CNBD1: variants seen among roughly 807,000 people sequenced by gnomAD.
The protein encoded by CNBD1 is cyclic nucleotide-binding domain-containing protein 1.
In CNBD1, 71 loss-of-function variants were observed where a neutral mutation model predicts 54.4. The ratio of observed to expected loss-of-function variants is 1.30; its 90% CI spans 1.08 to 1.59. The LOEUF (loss-of-function observed/expected upper bound fraction) is 1.59, where lower values mean the gene tolerates loss of function less well. Ranked by LOEUF, CNBD1 falls within the 40% of genes most tolerant of loss-of-function variation. The probability of loss-of-function intolerance (pLI) is 0.00; values close to 1 mark genes in which losing one functional copy is unlikely to be tolerated. For synonymous variants in CNBD1, 182 were observed against 170.7 expected (o/e 1.07, Z -0.51); for missense variants, 659 against 518.0 (o/e 1.27, Z -2.64).
intron 8 of CNBD1, among the ~76,000 whole-genome samples, chr8:87,298,688 G>A (rs1371930745): frequency 1.3e-5 from 2 of 151,770 alleles, no homozygotes; most frequent in Non-Finnish European, 2.9e-5. Context: ...GTTTCACCGT[G>A]TTGGCCAGGC....
chr8:86,953,854 G>A (rs1807690101), intron 4 of CNBD1, among the ~76,000 whole-genome samples: 3 of 151,944 alleles, frequency 2.0e-5, no homozygotes, highest in Admixed American at 2.0e-4. Flanking sequence ...GTGACAGAGC[G>A]AGACTCTGTC....
At chr8:87,027,999 G>C (rs1053283138) in intron 4 of CNBD1, among the ~76,000 whole-genome samples, 1 of 152,000 alleles carries the variant, frequency 6.6e-6, no homozygotes, top group Non-Finnish European at 1.5e-5. Flanking sequence ...CCATCCCAGT[G>C]TCTGGTACCC....
intron 3 of CNBD1, among the ~76,000 whole-genome samples, chr8:86,926,763 G>A (rs1809368021): frequency 6.6e-6 from 1 of 152,212 alleles, no homozygotes; most frequent in African/African-American, 2.4e-5. Flanking sequence ...ACCTGGGATT[G>A]CAGAGTAAGG....
At chr8:86,944,702 C>T (rs571133811) in intron 4 of CNBD1, among the ~76,000 whole-genome samples, 1 of 152,232 alleles carries the variant, frequency 6.6e-6, no homozygotes, top group Non-Finnish European at 1.5e-5. Context: ...CAGAGGTAGC[C>T]AGGGACCAGA....
chr8:87,364,792 T>C (rs1409835570), intron 10 of CNBD1, among the ~76,000 whole-genome samples: 2 of 152,102 alleles, frequency 1.3e-5, no homozygotes, highest in African/African-American at 4.8e-5. Context: ...GTCCCCCAGT[T>C]CCATCCACAT....
chr8:87,427,199 A>G (rs1022730498), intron 2 of CNBD1, among the ~76,000 whole-genome samples: 2 of 152,032 alleles, frequency 1.3e-5, no homozygotes, highest in Non-Finnish European at 2.9e-5. Context: ...AGAGTCTGCT[A>G]CATTATCTTG....
intron 4 of CNBD1, among the ~76,000 whole-genome samples, chr8:87,047,758 G>C (rs1438890739): frequency 6.6e-6 from 1 of 152,128 alleles, no homozygotes; most frequent in East Asian, 1.9e-4. Flanking sequence ...TTTCCTCTGG[G>C]GGGGTCTATG....
At chr8:87,141,618 CTA>C (rs1229542316) in intron 4 of CNBD1, among the ~76,000 whole-genome samples, 2 of 151,744 alleles carry the variant, frequency 1.3e-5, no homozygotes, top group African/African-American at 2.4e-5. Context: ...TTTTTGGTCT[CTA>C]TGTGTAATAT....
intron 2 of CNBD1, among the ~76,000 whole-genome samples, chr8:87,423,340 C>T (rs1263525563): frequency 2.7e-5 from 4 of 148,122 alleles, no homozygotes; most frequent in Admixed American, 6.7e-5. Flanking sequence ...GAGAGGGCAT[C>T]CCTGTCTTGT....
At chr8:87,244,430 C>A (rs946204362) in intron 6 of CNBD1, among the ~76,000 whole-genome samples, 1 of 152,086 alleles carries the variant, frequency 6.6e-6, no homozygotes, top group East Asian at 1.9e-4. Flanking sequence ...GACCCATATG[C>A]AATTTTGTTA....
intron 4 of CNBD1, among the ~76,000 whole-genome samples, chr8:87,057,923 T>C (rs1157139345): frequency 6.6e-6 from 1 of 152,076 alleles, no homozygotes; most frequent in African/African-American, 2.4e-5. Context: ...TCTTAACTCA[T>C]TCAAGCATTA....
chr8:86,925,978 C>T (rs1809353581), intron 3 of CNBD1, among the ~76,000 whole-genome samples: 2 of 152,144 alleles, frequency 1.3e-5, no homozygotes, highest in Admixed American at 6.5e-5. Flanking sequence ...TTGTTTGCTG[C>T]TGCTGGCTGG....
Position 87,287,228 on chromosome 8 carries a change from A to T in CNBD1, c.1042+557A>T, listed in dbSNP as rs376781057. 3.3e-5 allele frequency among the ~76,000 whole-genome samples: 5 copies of T among 152,292 alleles called. No homozygotes were observed. In the South Asian group the frequency reaches 6.2e-4, roughly 19 times the overall value. On this transcript the variant is annotated intron_variant, in intron 8 of 10. Coordinates refer to ENST00000518476, the MANE Select transcript of CNBD1 (RefSeq NM_173538.3). ...CGGATTTCCTGGATTATGTGTACAC[A>T]AAAAGTGTAGGTGGTATTGAGTCAT...
chr8:87,321,643 C>T (rs1454429198), intron 8 of CNBD1, among the ~76,000 whole-genome samples: 1 of 151,938 alleles, frequency 6.6e-6, no homozygotes, highest in Non-Finnish European at 1.5e-5. Context: ...CCATAGGCTG[C>T]CTTTTTCTCT....
At chr8:87,040,423 C>CTTTTTT (rs71277911) in intron 4 of CNBD1, among the ~76,000 whole-genome samples, 10 of 129,374 alleles carry the variant, frequency 7.7e-5, no homozygotes, top group Non-Finnish European at 1.1e-4. Context: ...AATTCTTTTT[C>CTTTTTT]TTTTTTTTTT....
chr8:87,310,027 A>G (rs975195988), intron 8 of CNBD1, among the ~76,000 whole-genome samples: 1 of 152,114 alleles, frequency 6.6e-6, no homozygotes, highest in South Asian at 2.1e-4. Flanking sequence ...GCATTTCTAT[A>G]TACCAATAAT....
At chr8:87,035,567 T>C (rs1426751565) in intron 4 of CNBD1, among the ~76,000 whole-genome samples, 2 of 152,220 alleles carry the variant, frequency 1.3e-5, no homozygotes, top group Non-Finnish European at 2.9e-5. Context: ...TTTGACCTTA[T>C]TCACAAGGGC....
At chr8:87,178,902 C>CTTGT (rs113358222) in intron 4 of CNBD1, among the ~76,000 whole-genome samples, 4,252 of 152,010 alleles carry the variant, frequency 0.028, 176 homozygotes, top group African/African-American at 0.082. Context: ...ATAGCTTTTG[C>CTTGT]TTGTTTGTTT....
At chr8:86,928,927 T>C (rs12678292) in intron 3 of CNBD1, among the ~76,000 whole-genome samples, 80,951 of 151,948 alleles carry the variant, frequency 0.53, 21,794 homozygotes, top group South Asian at 0.6. Context: ...AGTACCTTAC[T>C]CTCTTCTGTC....
Sources: allele counts gnomAD v4.1 joint callset (sites outside exome capture counted in the v4.1 genomes callset), GRCh38; gene constraint gnomAD v4.1.1; transcripts MANE v1.5; gene names NCBI Gene and HGNC (gene_info 2026-07-23, HGNC 2026-07-21).